EYS: variants seen among roughly 807,000 people sequenced by gnomAD.
The protein encoded by EYS is EGF-like photoreceptor maintenance factor, also known as protein eyes shut homolog.
In EYS, 250 loss-of-function variants were observed where a neutral mutation model predicts 282.1. The ratio of observed to expected loss-of-function variants is 0.89; its 90% CI spans 0.80 to 0.98. EYS has a LOEUF of 0.98. Among genes scored for constraint, EYS ranks in the 50% least tolerant of loss-of-function variants. The probability of loss-of-function intolerance (pLI) is 0.00; values close to 1 mark genes in which losing one functional copy is unlikely to be tolerated. For missense variants in EYS, 4,016 were observed against 3,709.0 expected (o/e 1.08, Z -2.15); for synonymous variants, 1,355 against 1,282.9 (o/e 1.06, Z -1.20).
At chr6:64,831,937 T>G (rs2150028637) in intron 19 of EYS, among the ~76,000 whole-genome samples, 1 of 152,050 alleles carries the variant, frequency 6.6e-6, no homozygotes, top group African/African-American at 2.4e-5. Context: ...GGCGTGTGTT[T>G]AATTAGGCAA....
chr6:65,130,583 A>T (rs1215802613), intron 12 of EYS, among the ~76,000 whole-genome samples: 1 of 151,868 alleles, frequency 6.6e-6, no homozygotes, highest in Non-Finnish European at 1.5e-5. Flanking sequence ...TGTCACTTAT[A>T]AGTGGGAGCT....
At chr6:64,798,610 T>TTTTG in intron 22 of EYS, among the ~76,000 whole-genome samples, 1 of 146,530 alleles carries the variant, frequency 6.8e-6, no homozygotes, top group Non-Finnish European at 1.5e-5. Context: ...GTTTCTGGTT[T>TTTTG]TTTTTTTTTT....
intron 26 of EYS, among the ~76,000 whole-genome samples, chr6:64,497,632 G>A (rs999303002): frequency 2.0e-5 from 3 of 151,926 alleles, no homozygotes; most frequent in East Asian, 1.9e-4. Flanking sequence ...CTAAACTGAT[G>A]TGTATGTAAA....
chr6:63,935,565 A>G (rs1425908983), intron 35 of EYS, among the ~76,000 whole-genome samples: 1 of 152,216 alleles, frequency 6.6e-6, no homozygotes, highest in Non-Finnish European at 1.5e-5. Flanking sequence ...ATTTGGGCAC[A>G]CAGAAAGATA....
intron 35 of EYS, among the ~76,000 whole-genome samples, chr6:63,944,504 A>T (rs1450555547): frequency 6.6e-6 from 1 of 152,224 alleles, no homozygotes; most frequent in Non-Finnish European, 1.5e-5. Flanking sequence ...ATGATGTTTC[A>T]AAGTCTATAT....
chr6:64,026,136 G>C (rs1336013869), intron 33 of EYS, among the ~76,000 whole-genome samples: 2 of 152,114 alleles, frequency 1.3e-5, no homozygotes, highest in Non-Finnish European at 2.9e-5. Flanking sequence ...GGACCGTTGT[G>C]GGTTCTGGGG....
intron 33 of EYS, among the ~76,000 whole-genome samples, chr6:64,031,865 T>C (rs1044579801): frequency 2.6e-5 from 4 of 152,138 alleles, no homozygotes; most frequent in African/African-American, 9.7e-5. Context: ...ATCAGCAGGA[T>C]GTGGGTGGGG....
At chr6:64,821,761 A>G in intron 20 of EYS, 38 bp from the exon 21 acceptor site, 1 of 1,192,100 alleles carries the variant, frequency 8.4e-7, no homozygotes, top group Non-Finnish European at 1.2e-6. Flanking sequence ...TCAAATAAGT[A>G]GATGTTAAAG....
chr6:64,203,603 T>A (rs1024317036), intron 31 of EYS, among the ~76,000 whole-genome samples: 2 of 152,156 alleles, frequency 1.3e-5, no homozygotes, highest in Non-Finnish European at 2.9e-5. Flanking sequence ...CGTTTTTCTG[T>A]ATGTTTTAAG....
At chr6:64,880,065 T>C (rs1185887824) in intron 19 of EYS, among the ~76,000 whole-genome samples, 1 of 151,984 alleles carries the variant, frequency 6.6e-6, no homozygotes, top group Non-Finnish European at 1.5e-5. Context: ...TCTTTCTTCC[T>C]AGTGTCATTA....
At chr6:65,372,247 A>C (rs1221720632) in intron 8 of EYS, among the ~76,000 whole-genome samples, 1 of 152,084 alleles carries the variant, frequency 6.6e-6, no homozygotes, top group African/African-American at 2.4e-5. Flanking sequence ...ATTTTCTTTG[A>C]TATAACAAAC....
chr6:64,169,328 G>A (rs906372819), intron 31 of EYS, among the ~76,000 whole-genome samples: 3 of 151,990 alleles, frequency 2.0e-5, no homozygotes, highest in East Asian at 1.9e-4. Flanking sequence ...GGCCTGATGC[G>A]TGATCAGAGA....
chr6:65,542,088 T>C (rs1768188043), intron 2 of EYS, among the ~76,000 whole-genome samples: 1 of 152,174 alleles, frequency 6.6e-6, no homozygotes, highest in South Asian at 2.1e-4. Context: ...ACTTTGCAAA[T>C]ATTTAACTTC....
chr6:65,281,863 A>C (rs756897787), intron 12 of EYS, among the ~76,000 whole-genome samples: 4 of 152,060 alleles, frequency 2.6e-5, no homozygotes, highest in Admixed American at 2.6e-4. Context: ...ATAGTTTTGT[A>C]TTTCTAATTT....
chr6:64,603,142 T>C (rs1455407917), intron 24 of EYS, among the ~76,000 whole-genome samples: 1 of 151,994 alleles, frequency 6.6e-6, no homozygotes, highest in African/African-American at 2.4e-5. Flanking sequence ...CTCTGGCCCT[T>C]TTTGGGATAA....
intron 2 of EYS, among the ~76,000 whole-genome samples, chr6:65,502,843 C>A (rs543879511): frequency 6.6e-6 from 1 of 151,728 alleles, no homozygotes; most frequent in East Asian, 1.9e-4. Context: ...GTAAAATCTT[C>A]TTTAAGAAGT....
At chr6:64,033,492 T>C (rs1208318213) in intron 33 of EYS, among the ~76,000 whole-genome samples, 4 of 152,132 alleles carry the variant, frequency 2.6e-5, no homozygotes, top group African/African-American at 7.2e-5. Context: ...TAAATAAATT[T>C]CTAAGCACGC....
chr6:64,485,144 T>C (rs981687383), intron 26 of EYS, among the ~76,000 whole-genome samples: 2 of 151,650 alleles, frequency 1.3e-5, no homozygotes, highest in African/African-American at 4.8e-5. Flanking sequence ...CTGCCTCTAC[T>C]GTGTTAGAAA....
chr6:64,463,242 C>T lies in EYS; in HGVS notation c.5645-23890G>A, dbSNP rs1304479396. ...CTGGGATTACAGGCGTGAGCCACTG[C>T]GCCTGGCCTCTCAGCTTTAAAGGTA... On this transcript the variant is annotated intron_variant, in intron 26 of 42. Coordinates refer to ENST00000503581, the MANE Select transcript of EYS (RefSeq NM_001142800.2). 5.9e-5 allele frequency among the ~76,000 whole-genome samples: 9 copies of T among 152,222 alleles called. No homozygotes were observed. In the East Asian group the frequency reaches 9.7e-4, roughly 16 times the overall value.
Sources: allele counts gnomAD v4.1 joint callset (sites outside exome capture counted in the v4.1 genomes callset), GRCh38; gene constraint gnomAD v4.1.1; transcripts MANE v1.5; gene names NCBI Gene and HGNC (gene_info 2026-07-23, HGNC 2026-07-21).